LAMTOR4: variants seen among roughly 807,000 people sequenced by gnomAD.
The protein encoded by LAMTOR4 is ragulator complex protein LAMTOR4.
Under a neutral mutation model 13.5 loss-of-function variants are expected in LAMTOR4, and 11 were observed. The observed-to-expected ratio is 0.82, with a 90% confidence interval of 0.51 to 1.35. LAMTOR4 has a LOEUF of 1.35. LAMTOR4 is among the 40% of genes most tolerant of loss of function. The pLI is 0.00. For synonymous variants in LAMTOR4, 69 were observed against 52.3 expected (o/e 1.32, Z -1.38); for missense variants, 128 against 126.2 (o/e 1.01, Z -0.07).
intron 1 of LAMTOR4, 178 bp from the exon 2 acceptor site, chr7:100,149,321 G>T: frequency 1.5e-6 from 1 of 645,748 alleles, no homozygotes. Flanking sequence ...GCAGATGGAG[G>T]CTCGGGAAGA....
chr7:100,148,972 G>A lies in LAMTOR4; in HGVS notation c.-1G>A, dbSNP rs556727605. ...GAGCTCCCCCAGCACCGAAGACTGC[G>A]ATGGTGAGTGAGGACGCATGCGCGA... is the stretch of plus-strand genomic sequence containing the variant. On this transcript the variant is annotated 5_prime_UTR_variant, in exon 1 of 4. Transcript: ENST00000341942. The A allele has an allele frequency of 1.2e-6, 2 of 1,611,788 alleles. No homozygotes were observed. The highest frequency in any genetic ancestry group is 8.5e-7 in the Non-Finnish European group (1 of 1,179,808).
At chr7:100,151,938 C>T (rs1256269011) in intron 2 of LAMTOR4, among the ~76,000 whole-genome samples, 1 of 151,862 alleles carries the variant, frequency 6.6e-6, no homozygotes, top group Non-Finnish European at 1.5e-5. Context: ...TCCTGGCCTC[C>T]AGCATTCCTC....
At chr7:100,150,283 G>A (rs1798661328) in intron 2 of LAMTOR4, among the ~76,000 whole-genome samples, 1 of 152,170 alleles carries the variant, frequency 6.6e-6, no homozygotes, top group South Asian at 2.1e-4. Flanking sequence ...TAAGGTTAAG[G>A]GTTGAAAACA....
intron 2 of LAMTOR4, 45 bp from the exon 3 acceptor site, chr7:100,153,355 C>A: frequency 7.4e-7 from 1 of 1,348,410 alleles, no homozygotes; most frequent in Non-Finnish European, 1.1e-6. Flanking sequence ...CTTCCTGAGC[C>A]TGTGCCGTAA....
At chr7:100,151,694 TTTTGTTTG>T (rs1218287237) in intron 2 of LAMTOR4, among the ~76,000 whole-genome samples, 1 of 151,532 alleles carries the variant, frequency 6.6e-6, no homozygotes, top group African/African-American at 2.4e-5. Flanking sequence ...CGTCCTGTTT[TTTTGTTTG>T]TTTGTTTTTT....
intron 2 of LAMTOR4, 152 bp downstream of exon 2, chr7:100,149,731 CA>C (rs1345006468): frequency 1.7e-6 from 1 of 581,710 alleles, no homozygotes; most frequent in African/African-American, 1.9e-5. Context: ...CAATTACTTT[CA>C]GTAATCAGTC....
At chr7:100,149,006 G>C in intron 1 of LAMTOR4, 31 bp downstream of exon 1, 3 of 1,604,834 alleles carry the variant, frequency 1.9e-6, no homozygotes, top group Non-Finnish European at 2.5e-6. Context: ...GAGAGGACCC[G>C]CCGGGGGTTC....
Position 100,149,667 on chromosome 7 carries a change from C to T in LAMTOR4, c.84+88C>T. 7 of 1,001,406 alleles carry T rather than the reference C, an allele frequency of 7.0e-6. No individual in the cohort carries two copies. The South Asian group carries it at 9.2e-5, about 13-fold the overall frequency. 62.0% of individuals were successfully genotyped at this position (1,001,406 alleles called of 1,614,324 possible). A position where few individuals can be genotyped will look rare whatever the true frequency, so the allele number is the denominator to read the frequency against. ...TGGCCCTTCTTTTCTCGGCTTTTATCTGGTTTCCTGCCTGGCATCTATTAG... is the reference window on the plus strand; with the variant it reads ...TGGCCCTTCTTTTCTCGGCTTTTATTTGGTTTCCTGCCTGGCATCTATTAG... On this transcript the variant is annotated intron_variant, in intron 2 of 3. Coordinates refer to ENST00000341942, the MANE Select transcript of LAMTOR4 (RefSeq NM_001008395.4).
intron 2 of LAMTOR4, 48 bp downstream of exon 2, chr7:100,149,627 A>G (rs1798639881): frequency 1.4e-6 from 2 of 1,392,664 alleles, no homozygotes; most frequent in Non-Finnish European, 2.0e-6. Flanking sequence ...ACAGCCCGGT[A>G]ACCCCTTCTA....
intron 2 of LAMTOR4, 79 bp downstream of exon 2, chr7:100,149,658 G>A: frequency 9.1e-7 from 1 of 1,104,424 alleles, no homozygotes; most frequent in Admixed American, 1.8e-5. Flanking sequence ...TTCTTTTCTC[G>A]GCTTTTATCT....
At chr7:100,149,429 T>G in intron 1 of LAMTOR4, 70 bp from the exon 2 acceptor site, 1 of 1,052,996 alleles carries the variant, frequency 9.5e-7, no homozygotes, top group Admixed American at 1.7e-5. Context: ...GACTTGGGTT[T>G]GCAGGTGAAG....
In LAMTOR4 at chr7:100,153,413, T is replaced by C. The variant is rs769500006; in HGVS notation, c.98T>C (p.Leu33Pro). ...EGAVLASSGD[L>P]ENDEQAASAI... ...GTCTGCATGCAGTCATCTGGGGACCTGGAGAATGATGAGCAGGCAGCCAGT... is the reference window on the plus strand; with the variant it reads ...GTCTGCATGCAGTCATCTGGGGACCCGGAGAATGATGAGCAGGCAGCCAGT... Residue 33 changes from leucine (L) to proline (P), a missense_variant, in exon 3 of 4, where the codon CTG becomes CCG. Leu to Pro is a moderately conservative substitution (Grantham distance 98). Transcript: ENST00000341942. 1 of 1,610,634 alleles carries C rather than the reference T, an allele frequency of 6.2e-7. No individual in the cohort carries two copies. Among genetic ancestry groups the C allele is most frequent in the Non-Finnish European group, 8.5e-7 (1 of 1,179,012 alleles).
chr7:100,153,731 C>A, intron 3 of LAMTOR4, 136 bp from the exon 4 acceptor site: 1 of 769,802 alleles, frequency 1.3e-6, no homozygotes, highest in Non-Finnish European at 2.3e-6. Context: ...AATCTCTGAG[C>A]CTGGAACTAT....
At chr7:100,149,805 C>T (rs1277945895) in intron 2 of LAMTOR4, 7 of 425,738 alleles carry the variant, frequency 1.6e-5, no homozygotes, top group Non-Finnish European at 2.6e-5. Context: ...GACTGAGTTT[C>T]GTTCTTGTTG....
chr7:100,153,787 C>A (rs1798796663), intron 3 of LAMTOR4, 80 bp from the exon 4 acceptor site: 2 of 1,007,878 alleles, frequency 2.0e-6, no homozygotes, highest in Non-Finnish European at 3.1e-6. Context: ...TGTGGCCCCG[C>A]CCCATGGAGT....
intron 2 of LAMTOR4, 116 bp from the exon 3 acceptor site, chr7:100,153,284 C>T: frequency 1.4e-6 from 1 of 737,906 alleles, no homozygotes; most frequent in East Asian, 2.5e-5. Context: ...GCTGAGGGTA[C>T]TGGCAAGCCA....
Position 100,148,940 on chromosome 7 carries a change from T to C in LAMTOR4, c.-33T>C, listed in dbSNP as rs1562947902. On this transcript the variant is annotated 5_prime_UTR_variant, in exon 1 of 4. Coordinates refer to ENST00000341942, the MANE Select transcript of LAMTOR4 (RefSeq NM_001008395.4). ...GGCCTGAAGCCGGAAGCTACCTATC[T>C]GGTAGGGAGCTCCCCCAGCACCGAA... 1.9e-6 allele frequency: 3 copies of C among 1,611,940 alleles called. No homozygotes were observed. Among genetic ancestry groups the C allele is most frequent in the East Asian group, 2.2e-5 (1 of 44,860 alleles).
intron 2 of LAMTOR4, among the ~76,000 whole-genome samples, chr7:100,151,074 TTTTTTG>T (rs1040471973): frequency 1.3e-5 from 2 of 151,864 alleles, no homozygotes; most frequent in Admixed American, 6.6e-5. Flanking sequence ...GTTTTTGTTT[TTTTTTG>T]TTTTTGTTTT....
Position 100,153,841 on chromosome 7 carries a change from C to G in LAMTOR4, c.203-26C>G, listed in dbSNP as rs373888710. On this transcript the variant is annotated intron_variant, in intron 3 of 3. Transcript: ENST00000341942. ...CTGTGCTCCCTTCCCTCTCCTGGGG[C>G]GGGGGAAGGTGTGTCTCTCCTCCAG... 7 of 1,474,602 alleles carry G rather than the reference C, an allele frequency of 4.7e-6. No homozygotes were observed. In the African/African-American group the frequency reaches 9.7e-5, roughly 20 times the overall value. The allele number at this position is 1,474,602 out of a possible 1,614,324, so 91.3% of individuals were successfully genotyped here. A position where few individuals can be genotyped will look rare whatever the true frequency, so the allele number is the denominator to read the frequency against.
Sources: allele counts gnomAD v4.1 joint callset (sites outside exome capture counted in the v4.1 genomes callset), GRCh38; gene constraint gnomAD v4.1.1; transcripts MANE v1.5; gene names NCBI Gene and HGNC (gene_info 2026-07-23, HGNC 2026-07-21).